LVRN: variants seen among roughly 807,000 people sequenced by gnomAD.
LVRN encodes laeverin.
In LVRN, 99 loss-of-function variants were observed where a neutral mutation model predicts 111.4. That is an observed-to-expected ratio of 0.89 (90% CI 0.76 to 1.05). The LOEUF (loss-of-function observed/expected upper bound fraction) is 1.05. Ranked by LOEUF, LVRN falls within the 50% of genes least tolerant of loss-of-function variation. The probability of loss-of-function intolerance (pLI) is 0.00; values close to 1 mark genes in which losing one functional copy is unlikely to be tolerated. For synonymous variants in LVRN, 488 were observed against 449.5 expected (o/e 1.09, Z -1.08); for missense variants, 1,414 against 1,206.8 (o/e 1.17, Z -2.54).
chr5:115,987,756 C>A (rs374290209), intron 3 of LVRN, 57 bp from the exon 4 acceptor site: 4 of 1,568,494 alleles, frequency 2.6e-6, no homozygotes, highest in East Asian at 2.3e-5. Context: ...AAGCAGACTA[C>A]CTCTTTCCAA....
intron 1 of LVRN, among the ~76,000 whole-genome samples, chr5:115,973,389 A>G (rs1312394000): frequency 1.3e-5 from 2 of 152,214 alleles, no homozygotes; most frequent in South Asian, 2.1e-4. Flanking sequence ...TATTTGTCCA[A>G]TTTTGATGTC....
rs545842815 is a variant in LVRN at position 115,972,418 on chromosome 5, C to T, written c.695+9106C>T. Reference sequence around the variant, plus strand: ...TCTAATTGTTGCTAATTAATTTTTGCTTGTTGATCTTGTATGCTACAACTT... The same window carrying T: ...TCTAATTGTTGCTAATTAATTTTTGTTTGTTGATCTTGTATGCTACAACTT... On this transcript the variant is annotated intron_variant, in intron 1 of 19. Transcript: ENST00000357872. 2.7e-5 allele frequency among the ~76,000 whole-genome samples: 4 copies of T among 150,406 alleles called. No individual in the cohort carries two copies. The South Asian group carries it at 8.4e-4, about 31-fold the overall frequency.
intron 3 of LVRN, among the ~76,000 whole-genome samples, chr5:115,985,718 T>C (rs1009427825): frequency 2.6e-5 from 4 of 152,214 alleles, no homozygotes; most frequent in African/African-American, 4.8e-5. Flanking sequence ...GTCAGCACTC[T>C]GTCCTGAAAT....
chr5:115,992,841 G>C (rs1748025215), intron 5 of LVRN, among the ~76,000 whole-genome samples: 2 of 152,154 alleles, frequency 1.3e-5, no homozygotes, highest in Non-Finnish European at 2.9e-5. Flanking sequence ...TGTTTAATTT[G>C]ATGAAGATTT....
rs779187095 is a variant in LVRN at position 115,962,808 on chromosome 5, A to G, written c.191A>G (p.Gln64Arg). 5 of 1,611,860 alleles carry G rather than the reference A, an allele frequency of 3.1e-6. No individual in the cohort carries two copies. Among genetic ancestry groups the G allele is most frequent in the Non-Finnish European group, 4.2e-6 (5 of 1,179,210 alleles). ...GCCGAGTCTTCCCCTCCCCTCAGGCAGAAGCCGACGCCAACCCCGAAACCC... is the reference window on the plus strand; with the variant it reads ...GCCGAGTCTTCCCCTCCCCTCAGGCGGAAGCCGACGCCAACCCCGAAACCC... ...LEAESSPPLR[Q>R]KPTPTPKPSS... Residue 64 changes from glutamine to arginine, a missense_variant, in exon 1 of 20, where the codon CAG becomes CGG. By Grantham distance (43) the Gln-to-Arg change is conservative (BLOSUM62 1). Coordinates refer to ENST00000357872, the MANE Select transcript of LVRN (RefSeq NM_173800.5).
chr5:116,007,505 T>C (rs1355903404), intron 13 of LVRN, among the ~76,000 whole-genome samples: 1 of 152,232 alleles, frequency 6.6e-6, no homozygotes, highest in East Asian at 1.9e-4. Flanking sequence ...CCTTGACTTT[T>C]CTATCTTATC....
chr5:116,024,818 A>G (rs946360451), intron 19 of LVRN, among the ~76,000 whole-genome samples: 2 of 152,230 alleles, frequency 1.3e-5, no homozygotes, highest in African/African-American at 4.8e-5. Flanking sequence ...TAAGATGACT[A>G]TCCTTGTCAA....
At chr5:116,008,354 A>G (rs1337038774) in intron 13 of LVRN, among the ~76,000 whole-genome samples, 5 of 152,092 alleles carry the variant, frequency 3.3e-5, no homozygotes, top group African/African-American at 9.7e-5. Flanking sequence ...AAAAAATAAT[A>G]ATAATAAATA....
chr5:115,974,509 T>C (rs1428745158), intron 1 of LVRN: 1 of 152,284 alleles, frequency 6.6e-6, no homozygotes, highest in Non-Finnish European at 1.5e-5. Context: ...CAATAAAAGA[T>C]CTTAATAAAA....
At chr5:115,995,895 T>C (rs1029224749) in intron 6 of LVRN, among the ~76,000 whole-genome samples, 1 of 152,218 alleles carries the variant, frequency 6.6e-6, no homozygotes, top group East Asian at 1.9e-4. Context: ...TTTTAACCAC[T>C]GTGCTCTATA....
chr5:115,997,767 A>C (rs1376560846), intron 6 of LVRN, among the ~76,000 whole-genome samples: 1 of 152,228 alleles, frequency 6.6e-6, no homozygotes, highest in Non-Finnish European at 1.5e-5. Context: ...CACTATATGC[A>C]GTAGCTAGAT....
Position 116,015,742 on chromosome 5 carries a change from C to T in LVRN, c.2733C>T (p.Asn911=). The change falls in exon 18 of 20, where the codon AAC becomes AAT. Residue 911 remains asparagine (N), a synonymous_variant. Coordinates refer to ENST00000357872, the MANE Select transcript of LVRN (RefSeq NM_173800.5). ...ATGTCGCAAAAGACTTCTTAGTCAA[C>T]AACTGGCAAGCTGTGAGTAAAAGGT... The part of the protein sequence containing the change: ...GRYVAKDFLV[N]NWQAVSKRYG... 1.2e-6 allele frequency: 2 copies of T among 1,613,354 alleles called. No homozygotes were observed. The highest frequency in any genetic ancestry group is 8.5e-7 in the Non-Finnish European group (1 of 1,179,542).
intron 13 of LVRN, among the ~76,000 whole-genome samples, chr5:116,006,734 A>T (rs79229021): frequency 0.047 from 7,175 of 152,214 alleles, 240 homozygotes; most frequent in Middle Eastern, 0.071. Context: ...TTTATTACGT[A>T]TCTGTAGAGT....
intron 13 of LVRN, 38 bp downstream of exon 13, chr5:116,006,005 C>A (rs375929743): frequency 1.4e-6 from 2 of 1,472,674 alleles, no homozygotes; most frequent in South Asian, 1.2e-5. Flanking sequence ...TCAGAATATA[C>A]CTTGAGACCT....
chr5:115,976,893 T>A (rs1753461098), intron 1 of LVRN, among the ~76,000 whole-genome samples: 1 of 152,174 alleles, frequency 6.6e-6, no homozygotes, highest in African/African-American at 2.4e-5. Flanking sequence ...TTGAGCCATG[T>A]TTTTAAGCTC....
intron 1 of LVRN, among the ~76,000 whole-genome samples, chr5:115,980,277 C>T (rs1468224253): frequency 6.6e-6 from 1 of 151,866 alleles, no homozygotes; most frequent in Non-Finnish European, 1.5e-5. Context: ...GGGAAGGAAA[C>T]ACCACTGTGA....
chr5:115,973,816 C>T (rs58485864), intron 1 of LVRN, among the ~76,000 whole-genome samples: 8,443 of 152,082 alleles, frequency 0.056, 767 homozygotes, highest in African/African-American at 0.19. Flanking sequence ...TTATCTAGTA[C>T]CACTCTACCA....
chr5:116,015,845 G>A, intron 18 of LVRN, 80 bp downstream of exon 18: 1 of 1,539,198 alleles, frequency 6.5e-7, no homozygotes, highest in Non-Finnish European at 8.8e-7. Flanking sequence ...TAGCTTGGAA[G>A]CTCAGCTTTA....
chr5:115,972,220 G>C (rs1358814384), intron 1 of LVRN, among the ~76,000 whole-genome samples: 1 of 151,764 alleles, frequency 6.6e-6, no homozygotes, highest in Non-Finnish European at 1.5e-5. Flanking sequence ...GAAAGACACT[G>C]TTAAAAGAAT....
Sources: gnomAD v4.1 joint callset for allele counts (sites outside exome capture counted in the v4.1 genomes callset) on GRCh38, gnomAD v4.1.1 for gene constraint, MANE v1.5 for transcripts, NCBI Gene and HGNC (gene_info 2026-07-23, HGNC 2026-07-21) for gene names.